Variants in FAM3B observed in about 807,000 individuals in gnomAD.
FAM3B encodes the protein FAM3 metabolism regulating signaling molecule B.
FAM3B carries 29 observed loss-of-function variants against 28.4 expected under a neutral mutation model. The ratio of observed to expected loss-of-function variants is 1.02; its 90% CI spans 0.76 to 1.39. The LOEUF (loss-of-function observed/expected upper bound fraction) is 1.39, where lower values mean the gene tolerates loss of function less well. Ranked by LOEUF, FAM3B falls within the 40% of genes most tolerant of loss-of-function variation. The probability of loss-of-function intolerance (pLI) is 0.00; values close to 1 mark genes in which losing one functional copy is unlikely to be tolerated. For synonymous variants in FAM3B, 91 were observed against 103.0 expected (o/e 0.88, Z 0.71); for missense variants, 266 against 293.9 (o/e 0.91, Z 0.69).
At chr21:41,346,306 G>T (rs905781440) in intron 5 of FAM3B, 1 of 153,056 alleles carries the variant, frequency 6.5e-6, no homozygotes, top group Non-Finnish European at 1.5e-5. Flanking sequence ...TATAAAGATA[G>T]TGAAGACGAA....
chr21:41,328,795 G>A (rs1447960140), intron 2 of FAM3B, among the ~76,000 whole-genome samples: 2 of 152,198 alleles, frequency 1.3e-5, no homozygotes, highest in African/African-American at 4.8e-5. Flanking sequence ...GTCTGAAGGA[G>A]GGGAGCCAGC....
intron 1 of FAM3B, 189 bp from the exon 2 acceptor site, chr21:41,322,734 T>C: frequency 1.3e-6 from 1 of 765,630 alleles, no homozygotes; most frequent in Non-Finnish European, 2.3e-6. Flanking sequence ...TTGTATTCTC[T>C]GATACTGTCT....
At chr21:41,351,407 C>A (rs1458086944) in intron 7 of FAM3B, among the ~76,000 whole-genome samples, 1 of 152,130 alleles carries the variant, frequency 6.6e-6, no homozygotes, top group Admixed American at 6.5e-5. Flanking sequence ...AAAGACGAGA[C>A]CTAAACACAG....
At chr21:41,339,030 T>C (rs2088981069) in intron 3 of FAM3B, among the ~76,000 whole-genome samples, 2 of 152,264 alleles carry the variant, frequency 1.3e-5, no homozygotes, top group African/African-American at 2.4e-5. Context: ...CTTCGTTTTA[T>C]TTTATGATCC....
At chr21:41,353,949 GA>G (rs1395784092) in intron 7 of FAM3B, among the ~76,000 whole-genome samples, 1 of 151,904 alleles carries the variant, frequency 6.6e-6, no homozygotes, top group African/African-American at 2.4e-5. Flanking sequence ...AAATTTACAA[GA>G]AAAAATATCC....
chr21:41,306,066 A>G (rs1172705293), intron 1 of FAM3B, among the ~76,000 whole-genome samples: 2 of 152,238 alleles, frequency 1.3e-5, no homozygotes, highest in African/African-American at 4.8e-5. Context: ...CATCTTCACC[A>G]AGAGTAGATT....
upstream of FAM3B, among the ~76,000 whole-genome samples, chr21:41,313,120 A>G (rs1359688926): frequency 1.3e-5 from 2 of 152,200 alleles, no homozygotes; most frequent in African/African-American, 4.8e-5. Flanking sequence ...GACCATGCTG[A>G]CCAGACAGAG....
intron 2 of FAM3B, among the ~76,000 whole-genome samples, chr21:41,324,542 C>T (rs986809260): frequency 2.0e-5 from 3 of 152,202 alleles, no homozygotes; most frequent in African/African-American, 7.2e-5. Context: ...TTCCTGGTTT[C>T]AATCTTATTT....
chr21:41,351,474 A>T (rs1341698811), intron 7 of FAM3B, among the ~76,000 whole-genome samples: 1 of 152,094 alleles, frequency 6.6e-6, no homozygotes, highest in Non-Finnish European at 1.5e-5. Context: ...GCGCTAAAGG[A>T]TGTTTGCTCA....
At chr21:41,346,663 A>G (rs1601371357) in intron 5 of FAM3B, among the ~76,000 whole-genome samples, 1 of 150,218 alleles carries the variant, frequency 6.7e-6, no homozygotes, top group South Asian at 2.1e-4. Context: ...TGGTGATCTC[A>G]TTTCTAAGGA....
In FAM3B at chr21:41,326,859, C is replaced by T. The variant is rs1190477082; in HGVS notation, c.163+3793C>T. On this transcript the variant is annotated intron_variant, in intron 2 of 7. Coordinates refer to ENST00000357985, the MANE Select transcript of FAM3B (RefSeq NM_058186.4). The surrounding 1 kb of genome is among the most constrained non-coding windows in gnomAD (Gnocchi z 4.0). ...GGCTAGAACCCAGCCCACTGTTCTG[C>T]ACCTGGGGCCCTTTTCACCCAAGCT... Among the ~76,000 whole-genome samples, 2 of 152,218 alleles carry T rather than the reference C, an allele frequency of 1.3e-5. No individual in the cohort carries two copies. Among genetic ancestry groups the T allele is most frequent in the African/African-American group, 2.4e-5 (1 of 41,464 alleles).
At chr21:41,325,094 T>G (rs772221515) in intron 2 of FAM3B, among the ~76,000 whole-genome samples, 1 of 152,004 alleles carries the variant, frequency 6.6e-6, no homozygotes, top group Non-Finnish European at 1.5e-5. Flanking sequence ...AGAGACTCCT[T>G]CTCAAAAACA....
chr21:41,335,132 A>G (rs1007104648), intron 2 of FAM3B, among the ~76,000 whole-genome samples: 8 of 152,088 alleles, frequency 5.3e-5, no homozygotes, highest in African/African-American at 1.9e-4. Flanking sequence ...TTTTGATTTT[A>G]CAGGCTTGTA....
rs533328684 is a variant in FAM3B at position 41,305,113 on chromosome 21, A to T, written n.99+803A>T. ...GAAAGGAAATGTGTACAAAATCATG[A>T]GTTTCCAGGCTTGAACCTCTTCATC... On this transcript the variant is annotated intron_variant and non_coding_transcript_variant, in intron 1 of 9. Coordinates refer to the FAM3B transcript ENST00000479810. Among the ~76,000 whole-genome samples, 3 of 152,320 alleles carry T rather than the reference A, an allele frequency of 2.0e-5. No individual in the cohort carries two copies. In the East Asian group the frequency reaches 5.8e-4, roughly 29 times the overall value.
At chr21:41,304,309 G>T (rs1212051797) in exon 1 of FAM3B, 3 of 456,160 alleles carry the variant, frequency 6.6e-6, no homozygotes, top group African/African-American at 2.0e-5. Context: ...GCCCGAGACT[G>T]GGTGAGAGGA....
At chr21:41,356,269 G>A (rs1331635022) in intron 7 of FAM3B, among the ~76,000 whole-genome samples, 1 of 152,100 alleles carries the variant, frequency 6.6e-6, no homozygotes, top group Non-Finnish European at 1.5e-5. Context: ...CCCAATAAAA[G>A]CATCGTATTT....
intron 1 of FAM3B, among the ~76,000 whole-genome samples, chr21:41,317,815 G>C (rs2088764037): frequency 6.6e-6 from 1 of 152,068 alleles, no homozygotes; most frequent in Non-Finnish European, 1.5e-5. Context: ...AGTTCTAAAT[G>C]CTCTCTTTTC....
chr21:41,322,222 T>G (rs953528577), intron 1 of FAM3B, among the ~76,000 whole-genome samples: 3 of 152,040 alleles, frequency 2.0e-5, no homozygotes, highest in African/African-American at 7.2e-5. Flanking sequence ...CAGGAGGAGA[T>G]CAATGCCTTT....
intron 2 of FAM3B, among the ~76,000 whole-genome samples, chr21:41,333,003 A>G (rs1160172806): frequency 3.0e-5 from 4 of 135,450 alleles, no homozygotes; most frequent in Non-Finnish European, 1.6e-5. Context: ...TTCATTTTCT[A>G]TTTTCTTGAT....
Sources: gnomAD v4.1 joint callset for allele counts (sites outside exome capture counted in the v4.1 genomes callset) on GRCh38, gnomAD v4.1.1 for gene constraint, Gnocchi (gnomAD v3.1) non-coding constraint, MANE v1.5 for transcripts, NCBI Gene and HGNC (gene_info 2026-07-23, HGNC 2026-07-21) for gene names.